TXNRD3: variants seen among roughly 807,000 people sequenced by gnomAD.
TXNRD3 encodes TXNRD3 neighbor gene protein.
In TXNRD3, 68 loss-of-function variants were observed where a neutral mutation model predicts 78.2. The observed-to-expected ratio is 0.87, with a 90% CI of 0.72 to 1.06. The LOEUF is 1.06. Ranked by LOEUF, TXNRD3 falls within the 50% of genes least tolerant of loss-of-function variation. The probability of loss-of-function intolerance (pLI) is 0.00; values close to 1 mark genes in which losing one functional copy is unlikely to be tolerated. For synonymous variants in TXNRD3, 296 were observed against 300.1 expected (o/e 0.99, Z 0.14); for missense variants, 751 against 809.5 (o/e 0.93, Z 0.88).
chr3:126,619,556 A>G (rs1246343284), intron 12 of TXNRD3, among the ~76,000 whole-genome samples: 1 of 152,128 alleles, frequency 6.6e-6, no homozygotes, highest in Admixed American at 6.5e-5. Flanking sequence ...AGAGGCTGGG[A>G]AGGGTAGGGT....
intron 15 of TXNRD3, 44 bp from the exon 16 acceptor site, chr3:126,608,017 T>C (rs1056610274): frequency 6.1e-5 from 84 of 1,378,584 alleles, no homozygotes; most frequent in Middle Eastern, 5.5e-4. Context: ...GATGTTAGTA[T>C]TGTTTTAAAA....
chr3:126,630,859 T>G lies in TXNRD3; in HGVS notation c.1050A>C (p.Ala350=). 6.5e-7 allele frequency: 1 copy of G among 1,535,954 alleles called. No homozygotes were observed. Among genetic ancestry groups the G allele is most frequent in the Non-Finnish European group, 8.7e-7 (1 of 1,146,862 alleles). The change falls in exon 9 of 16, where the codon GCA becomes GCC. Residue 350 remains alanine (A), a synonymous_variant. Coordinates refer to ENST00000524230, the MANE Select transcript of TXNRD3 (RefSeq NM_052883.3). ...CTAGGCCAAAGCCAGCCAGAAACCC[T>G]GCACACTCCAGGGCAACATAAGAGG... is the stretch of plus-strand genomic sequence containing the variant.
chr3:126,630,818 A>G lies in TXNRD3; in HGVS notation c.1091T>C (p.Val364Ala). ...GAAGCCACGGAGAAGGATTGAGCGT[A>G]CCATAACTGTGACATCTAGGCCAAA... The change falls in exon 9 of 16, where the codon GTA becomes GCA. Residue 364 changes from valine (V) to alanine (A), a missense_variant. Transcript: ENST00000524230. The G allele has an allele frequency of 6.5e-7, 1 of 1,535,764 alleles. No homozygotes were observed. The highest frequency in any genetic ancestry group is 8.7e-7 in the Non-Finnish European group (1 of 1,146,882).
In TXNRD3 at chr3:126,633,807, G is replaced by A. The variant is rs60077371; in HGVS notation, c.855+102C>T. ...GCCGTGTGTGTGTGTGTGCACGCAC[G>A]CCTGTTACACCCCTTAACATGCAAC... On this transcript the variant is annotated intron_variant, in intron 7 of 15. Transcript: ENST00000524230. 0.073 allele frequency: 62,421 copies of A among 857,326 alleles called. 2,711 individuals carry two copies. The highest frequency in any genetic ancestry group is 0.18 in the East Asian group (6,380 of 34,680). 53.1% of individuals were successfully genotyped at this position (857,326 alleles called of 1,614,324 possible). A position where few individuals can be genotyped will look rare whatever the true frequency, so the allele number is the denominator to read the frequency against.
intron 13 of TXNRD3, among the ~76,000 whole-genome samples, chr3:126,613,831 T>C (rs780379075): frequency 2.0e-5 from 3 of 152,254 alleles, no homozygotes; most frequent in Non-Finnish European, 4.4e-5. Context: ...ATGATACTGA[T>C]GTATGTATTT....
chr3:126,634,878 A>C (rs1938816354), intron 6 of TXNRD3, among the ~76,000 whole-genome samples: 2 of 152,194 alleles, frequency 1.3e-5, no homozygotes. Flanking sequence ...CTACTCATCC[A>C]GGGACATGGG....
intron 1 of TXNRD3, 27 bp downstream of exon 1, chr3:126,654,721 G>A: frequency 7.9e-7 from 1 of 1,271,812 alleles, no homozygotes; most frequent in Non-Finnish European, 9.9e-7. Flanking sequence ...GGTCGCGCGC[G>A]GTGGAACCGG....
In TXNRD3 at chr3:126,644,294, T is replaced by C. The variant is rs1452570267; in HGVS notation, c.519+3A>G. ...TCTACGAGTTTCATTTCTATATTCATACCTTCGCACATGAAAGGCCTCCAG... is the reference window on the plus strand; with the variant it reads ...TCTACGAGTTTCATTTCTATATTCACACCTTCGCACATGAAAGGCCTCCAG... On this transcript the variant is annotated splice_donor_region_variant and intron_variant, in intron 4 of 15. Coordinates refer to ENST00000524230, the MANE Select transcript of TXNRD3 (RefSeq NM_052883.3). The C allele has an allele frequency of 1.3e-6, 2 of 1,535,158 alleles. No individual in the cohort carries two copies. The highest frequency in any genetic ancestry group is 1.7e-6 in the Non-Finnish European group (2 of 1,145,894).
intron 6 of TXNRD3, among the ~76,000 whole-genome samples, chr3:126,639,963 T>G (rs186140262): frequency 2.4e-4 from 37 of 152,246 alleles, no homozygotes; most frequent in Admixed American, 2.1e-3. Flanking sequence ...GGCCTCATTT[T>G]ATCTACAACC....
chr3:126,648,234 AAAT>A (rs1212775256), intron 1 of TXNRD3, among the ~76,000 whole-genome samples: 1 of 152,274 alleles, frequency 6.6e-6, no homozygotes, highest in Non-Finnish European at 1.5e-5. Context: ...AGATAGCAAC[AAAT>A]AACAATATCC....
intron 1 of TXNRD3, among the ~76,000 whole-genome samples, chr3:126,649,182 C>T (rs546345230): frequency 2.6e-5 from 4 of 152,152 alleles, no homozygotes; most frequent in Non-Finnish European, 5.9e-5. Context: ...AATGGGAAAG[C>T]ACTTGAATAT....
intron 1 of TXNRD3, 99 bp from the exon 2 acceptor site, chr3:126,647,395 A>G: frequency 1.2e-6 from 1 of 866,680 alleles, no homozygotes; most frequent in Non-Finnish European, 1.8e-6. Context: ...AATGTTCTGG[A>G]GGAACAGGAG....
At chr3:126,627,749 T>G (rs1256967833) in intron 10 of TXNRD3, among the ~76,000 whole-genome samples, 1 of 152,128 alleles carries the variant, frequency 6.6e-6, no homozygotes, top group Non-Finnish European at 1.5e-5. Flanking sequence ...CATAGAAAAT[T>G]ATAGGTATAG....
intron 2 of TXNRD3, 113 bp from the exon 3 acceptor site, chr3:126,646,333 C>A: frequency 1.4e-6 from 1 of 713,706 alleles, no homozygotes; most frequent in South Asian, 2.9e-5. Context: ...CATAACAGGT[C>A]AGTGTGTTAT....
intron 10 of TXNRD3, among the ~76,000 whole-genome samples, chr3:126,624,000 A>G (rs182999470): frequency 6.6e-6 from 1 of 152,316 alleles, no homozygotes; most frequent in Admixed American, 6.5e-5. Context: ...CCATTTAAAA[A>G]TGCCATTTAT....
chr3:126,646,483 A>G (rs1173530764), intron 2 of TXNRD3, among the ~76,000 whole-genome samples: 1 of 152,246 alleles, frequency 6.6e-6, no homozygotes, highest in Non-Finnish European at 1.5e-5. Context: ...TGACTATGCC[A>G]AGACAGATAA....
rs72972813 is a variant in TXNRD3, at chr3:126,638,966, C to A, written c.712+3066G>T. On this transcript the variant is annotated intron_variant, in intron 6 of 15. Coordinates refer to ENST00000524230, the MANE Select transcript of TXNRD3 (RefSeq NM_052883.3). Reference sequence around the variant, plus strand: ...ATGGAGAACAGACAGAAGTAACACACAGAAAGGTCCCCAGCTGGCACAGAC... The same window carrying A: ...ATGGAGAACAGACAGAAGTAACACAAAGAAAGGTCCCCAGCTGGCACAGAC... Among the ~76,000 whole-genome samples the A allele has an allele frequency of 6.5e-3, 995 of 152,270 alleles. 8 individuals carry two copies. Among genetic ancestry groups the A allele is most frequent in the African/African-American group, 0.023 (949 of 41,562 alleles).
chr3:126,654,689 G>T, intron 1 of TXNRD3, 59 bp downstream of exon 1: 1 of 1,165,784 alleles, frequency 8.6e-7, no homozygotes, highest in Non-Finnish European at 1.1e-6. Flanking sequence ...CCTGCCCCGG[G>T]TGGCGTCCGC....
intron 10 of TXNRD3, among the ~76,000 whole-genome samples, chr3:126,626,676 T>C (rs1462974022): frequency 1.3e-5 from 2 of 152,190 alleles, no homozygotes; most frequent in Non-Finnish European, 2.9e-5. Context: ...GGCCTTCACA[T>C]ATAGCTGATG....
Sources: gnomAD v4.1 joint callset for allele counts (sites outside exome capture counted in the v4.1 genomes callset) on GRCh38, gnomAD v4.1.1 for gene constraint, MANE v1.5 for transcripts, NCBI Gene and HGNC (gene_info 2026-07-23, HGNC 2026-07-21) for gene names.